The following GAK variants were observed in gnomAD, a reference collection of about 807,000 sequenced individuals.
GAK encodes the protein cyclin-G-associated kinase.
A neutral mutation model predicts 143.9 loss-of-function variants in GAK; 79 were observed. The observed-to-expected ratio is 0.55, with a 90% confidence interval of 0.46 to 0.66. GAK has a LOEUF of 0.66. Among genes scored for constraint, GAK ranks in the 30% least tolerant of loss-of-function variants. The probability of loss-of-function intolerance (pLI) is 0.00; values close to 1 mark genes in which losing one functional copy is unlikely to be tolerated. For missense variants in GAK, 1,693 were observed against 1,779.7 expected, an observed-to-expected ratio of 0.95 and a Z score of 0.88; for synonymous variants, 881 against 765.5, an observed-to-expected ratio of 1.15 and a Z score of -2.49.
At chr4:911,096 C>T (rs1721975874) in intron 4 of GAK, among the ~76,000 whole-genome samples, 1 of 152,274 alleles carries the variant, frequency 6.6e-6, no homozygotes, top group South Asian at 2.1e-4. Flanking sequence ...CTCTTCCTGT[C>T]CTGACAAACG....
chr4:851,709 G>A (rs754394917), intron 25 of GAK, 41 bp downstream of exon 25: 4 of 1,576,078 alleles, frequency 2.5e-6, no homozygotes. Flanking sequence ...ATTCAGGGAG[G>A]TCTCTGCAAA....
intron 4 of GAK, among the ~76,000 whole-genome samples, chr4:910,664 G>C (rs1030620295): frequency 6.6e-6 from 1 of 152,088 alleles, no homozygotes; most frequent in Non-Finnish European, 1.5e-5. Context: ...GGCTACAGGT[G>C]CCCTCCCCAC....
intron 23 of GAK, 115 bp from the exon 24 acceptor site, chr4:859,837 T>C (rs1284442729): frequency 1.3e-6 from 1 of 759,082 alleles, no homozygotes; most frequent in Non-Finnish European, 2.2e-6. Context: ...GCCTGAGAGC[T>C]GGCACCTGCA....
rs779957711 is a variant in GAK at position 867,180 on chromosome 4, A to G, written c.2648T>C (p.Leu883Pro). The G allele has an allele frequency of 1.2e-6, 2 of 1,608,728 alleles. No homozygotes were observed. Among genetic ancestry groups the G allele is most frequent in the Non-Finnish European group, 1.7e-6 (2 of 1,177,098 alleles). ...EPVPQEDGVD[L>P]LGLHSEVGAG... ...GCCCACCTCGGAGTGCAGGCCCAGGAGGTCGACCCCGTCTTCCTGTGGCAC... is the reference window on the plus strand; with the variant it reads ...GCCCACCTCGGAGTGCAGGCCCAGGGGGTCGACCCCGTCTTCCTGTGGCAC... The change falls in exon 21 of 28, where the codon CTC becomes CCC. Residue 883 changes from leucine to proline, a missense_variant. Physicochemically the swap from Leu to Pro is moderately conservative, Grantham distance 98. Transcript: ENST00000314167.
rs909726022 is a variant in GAK, at chr4:904,840, G to C, written c.383-61C>G. The C allele has an allele frequency of 4.5e-6, 7 of 1,560,548 alleles. No individual in the cohort carries two copies. In the Admixed American group the frequency reaches 5.5e-5, roughly 12 times the overall value. On this transcript the variant is annotated intron_variant, in intron 4 of 27. Coordinates refer to ENST00000314167, the MANE Select transcript of GAK (RefSeq NM_005255.4). ...ACAGGGTCCGGAGACAGGGAACCTA[G>C]GGCTGTTTCACGCGGACTTCCCAGA...
chr4:897,745 T>G (rs1346318236), intron 6 of GAK, among the ~76,000 whole-genome samples: 1 of 152,140 alleles, frequency 6.6e-6, no homozygotes. Context: ...CGTCAAGAGA[T>G]AGAGACCATC....
In GAK at chr4:851,974, C is replaced by T; in HGVS notation, c.3284G>A (p.Gly1095Asp). ...CCCAGGAGGGAATCCAGCTGGTGAGCCTGTGGAGATGGAGATCGGAAACTC... is the reference window on the plus strand; with the variant it reads ...CCCAGGAGGGAATCCAGCTGGTGAGTCTGTGGAGATGGAGATCGGAAACTC... The part of the protein sequence containing the change: ...DLGDLSSGLQ[G>D]SPAGFPPGGF... Residue 1095 changes from glycine (G) to aspartate (D), a missense_variant and splice_region_variant, in exon 25 of 28, where the codon GGC becomes GAC. Coordinates refer to ENST00000314167, the MANE Select transcript of GAK (RefSeq NM_005255.4). 4 of 1,612,696 alleles carry T rather than the reference C, an allele frequency of 2.5e-6. No homozygotes were observed. In the South Asian group the frequency reaches 4.4e-5, roughly 18 times the overall value.
Position 868,405 on chromosome 4 carries a change from G to C in GAK, c.2395+134C>G, listed in dbSNP as rs1351908732. 3 of 747,570 alleles carry C rather than the reference G, an allele frequency of 4.0e-6. No homozygotes were observed. In the African/African-American group the frequency reaches 5.3e-5, roughly 13 times the overall value. The allele number at this position is 747,570 out of a possible 1,614,324, so 46.3% of individuals were successfully genotyped here. On this transcript the variant is annotated intron_variant, in intron 20 of 27. Transcript: ENST00000314167. ...CATTAAAGAACAGGCTGACATGCCG[G>C]GTGCACAGCCCCACTGAGGTGCAAC... is the stretch of plus-strand genomic sequence containing the variant.
chr4:876,748 T>TCCCAC, intron 17 of GAK, 139 bp from the exon 18 acceptor site: 1 of 722,564 alleles, frequency 1.4e-6, no homozygotes, highest in Non-Finnish European at 2.4e-6. Context: ...GTGCCACATG[T>TCCCAC]TGTGGGGGAA....
intron 5 of GAK, among the ~76,000 whole-genome samples, chr4:899,792 C>T (rs1308074598): frequency 6.6e-6 from 1 of 152,240 alleles, no homozygotes; most frequent in Non-Finnish European, 1.5e-5. Context: ...CTCCGCGGAC[C>T]AGCAAGCTGA....
chr4:860,377 T>G (rs1248361176), intron 23 of GAK, among the ~76,000 whole-genome samples: 1 of 149,522 alleles, frequency 6.7e-6, no homozygotes, highest in Non-Finnish European at 1.5e-5. Flanking sequence ...GTAGAGCTAC[T>G]TGATAGAGTG....
At chr4:925,853 C>A (rs912840975) in intron 1 of GAK, among the ~76,000 whole-genome samples, 1 of 152,212 alleles carries the variant, frequency 6.6e-6, no homozygotes, top group South Asian at 2.1e-4. Flanking sequence ...CCCCAGTGTA[C>A]GACGTTCTGT....
Position 932,043 on chromosome 4 carries a change from C to T in GAK, c.145G>A (p.Gly49Arg), listed in dbSNP as rs1247539127. Residue 49 changes from glycine to arginine, a missense_variant and splice_region_variant, in exon 1 of 28, where the codon GGA (glycine) becomes AGA (arginine). Gly to Arg is a moderately radical substitution (Grantham distance 125). Around this residue, in one of 2 missense-constraint regions of GAK, gnomAD observed 871 missense variants for 991.0 expected, o/e 0.88. Coordinates refer to ENST00000314167, the MANE Select transcript of GAK (RefSeq NM_005255.4). This position sits in a 1 kb window ranked among gnomAD's most constrained non-coding sequence, Gnocchi z 4.0. ...CCGCGCTGCCGACCCGGGGCCTCAC[C>T]TTCGGCCAGGACCCGCCGCACCCGC... ...RLRVRRVLAEGGFAFVYEAQD... is the reference protein window; with the variant it reads ...RLRVRRVLAERGFAFVYEAQD... 13 of 1,584,094 alleles carry T rather than the reference C, an allele frequency of 8.2e-6. No individual in the cohort carries two copies. Among genetic ancestry groups the T allele is most frequent in the Non-Finnish European group, 1.1e-5 (13 of 1,166,298 alleles).
chr4:897,694 C>G (rs973529739), intron 6 of GAK, among the ~76,000 whole-genome samples: 4 of 152,238 alleles, frequency 2.6e-5, no homozygotes, highest in African/African-American at 9.6e-5. Context: ...CGCCTGTAAT[C>G]CCAGCACTTT....
intron 18 of GAK, among the ~76,000 whole-genome samples, chr4:873,498 A>T (rs574338451): frequency 0.036 from 1,409 of 39,144 alleles, 14 homozygotes; most frequent in African/African-American, 0.12. Context: ...AAACCTTGTA[A>T]AAAAAAAAAA....
At chr4:858,251 C>T (rs1191015610) in intron 24 of GAK, among the ~76,000 whole-genome samples, 1 of 152,210 alleles carries the variant, frequency 6.6e-6, no homozygotes, top group African/African-American at 2.4e-5. Context: ...GCAGTGCTGA[C>T]GTCGCCAGCT....
chr4:895,312 A>C (rs771654419), intron 7 of GAK, among the ~76,000 whole-genome samples: 4 of 152,234 alleles, frequency 2.6e-5, no homozygotes, highest in Non-Finnish European at 5.9e-5. Flanking sequence ...GGGACTGGTG[A>C]TTACTTCGGC....
intron 1 of GAK, among the ~76,000 whole-genome samples, chr4:931,750 C>T (rs187824032): frequency 6.6e-6 from 1 of 152,134 alleles, no homozygotes; most frequent in African/African-American, 2.4e-5. Context: ...AAGCCCCAGG[C>T]CTTGCTCCGA....
chr4:870,997 G>A, intron 18 of GAK, 93 bp from the exon 19 acceptor site: 1 of 1,101,086 alleles, frequency 9.1e-7, no homozygotes, highest in Non-Finnish European at 1.3e-6. Context: ...GGAAACAGGT[G>A]GCAGCTGCAG....
Sources: gnomAD v4.1 joint callset for allele counts (sites outside exome capture counted in the v4.1 genomes callset) on GRCh38, gnomAD v4.1.1 for gene constraint, gnomAD v4.1.1 regional missense constraint, Gnocchi (gnomAD v3.1) non-coding constraint, MANE v1.5 for transcripts, NCBI Gene and HGNC (gene_info 2026-07-23, HGNC 2026-07-21) for gene names.